PPFIA2: variants seen among roughly 807,000 people sequenced by gnomAD.
PPFIA2 encodes liprin-alpha-2.
A neutral mutation model predicts 175.5 loss-of-function variants in PPFIA2; 46 were observed. The ratio of observed to expected loss-of-function variants is 0.26; its 90% confidence interval spans 0.21 to 0.34. PPFIA2 has a LOEUF of 0.34. Ranked by LOEUF, PPFIA2 falls within the 10% of genes least tolerant of loss-of-function variation. The probability of loss-of-function intolerance (pLI) is 1.00; values close to 1 mark genes in which losing one functional copy is unlikely to be tolerated. For missense variants in PPFIA2, 1,179 were observed against 1,506.1 expected (o/e 0.78, Z 3.60); for synonymous variants, 568 against 511.4 (o/e 1.11, Z -1.49).
chr12:81,711,249 T>C (rs1275526640), intron 3 of PPFIA2, among the ~76,000 whole-genome samples: 1 of 151,068 alleles, frequency 6.6e-6, no homozygotes, highest in Non-Finnish European at 1.5e-5. Flanking sequence ...ATAAAAAGAA[T>C]ATGAAATATT....
chr12:81,405,843 A>T lies in PPFIA2; in HGVS notation c.706T>A (p.Ser236Thr), dbSNP rs1282141271. The change falls in exon 8 of 33, where the codon TCC becomes ACC. Residue 236 changes from serine (S) to threonine (T), a missense_variant. By Grantham distance (58) the Ser-to-Thr change is moderately conservative. Coordinates refer to ENST00000549396, the MANE Select transcript of PPFIA2 (RefSeq NM_003625.5). ...IQRKMASSEG[S>T]TESEHLEGME... The stretch of plus-strand genomic sequence containing the variant: ...CCTTCAAGATGTTCTGACTCTGTGG[A>T]TCCCTCGCTTGATGCCATTTTTCTT... 4 of 1,582,636 alleles carry T rather than the reference A, an allele frequency of 2.5e-6. No homozygotes were observed. Among genetic ancestry groups the T allele is most frequent in the Non-Finnish European group, 2.6e-6 (3 of 1,162,398 alleles).
chr12:81,401,085 C>T lies in PPFIA2; in HGVS notation c.762+4702G>A, dbSNP rs114510084. Among the ~76,000 whole-genome samples the T allele has an allele frequency of 9.1e-3, 1,378 of 152,194 alleles. 25 individuals carry two copies. Among genetic ancestry groups the T allele is most frequent in the African/African-American group, 0.031 (1,288 of 41,520 alleles). ...CTTCTTTAATGTCTTCACCACTCACCTTGTACGGGTCCCTTGATCATATCT... is the reference window on the plus strand; with the variant it reads ...CTTCTTTAATGTCTTCACCACTCACTTTGTACGGGTCCCTTGATCATATCT... On this transcript the variant is annotated intron_variant, in intron 8 of 32. Coordinates refer to ENST00000549396, the MANE Select transcript of PPFIA2 (RefSeq NM_003625.5).
intron 4 of PPFIA2, among the ~76,000 whole-genome samples, chr12:81,577,759 G>A (rs552769159): frequency 6.5e-4 from 98 of 151,918 alleles, no homozygotes; most frequent in African/African-American, 1.3e-3. Context: ...AACATAATTG[G>A]TTACTGTGAA....
At chr12:81,522,462 C>A (rs1250223894) in intron 4 of PPFIA2, among the ~76,000 whole-genome samples, 2 of 152,022 alleles carry the variant, frequency 1.3e-5, no homozygotes, top group Non-Finnish European at 2.9e-5. Context: ...TTATACAGAG[C>A]GATTTAAATA....
chr12:81,358,279 C>A (rs1470746213), intron 15 of PPFIA2, 62 bp from the exon 16 acceptor site: 15 of 1,453,762 alleles, frequency 1.0e-5, no homozygotes, highest in Non-Finnish European at 1.3e-5. Context: ...CAGGAAATTA[C>A]TATCTGCTGT....
At chr12:81,528,219 G>C (rs1340907493) in intron 4 of PPFIA2, among the ~76,000 whole-genome samples, 1 of 152,044 alleles carries the variant, frequency 6.6e-6, no homozygotes, top group African/African-American at 2.4e-5. Flanking sequence ...ACAATAGACA[G>C]AGGATCTGAG....
chr12:81,558,343 A>G (rs574862149), intron 4 of PPFIA2, among the ~76,000 whole-genome samples: 1 of 152,310 alleles, frequency 6.6e-6, no homozygotes, highest in South Asian at 2.1e-4. Context: ...GAATGAATGG[A>G]AGATTGATCA....
chr12:81,343,542 T>A (rs1360694978), intron 19 of PPFIA2, among the ~76,000 whole-genome samples: 2 of 151,960 alleles, frequency 1.3e-5, no homozygotes, highest in Non-Finnish European at 2.9e-5. Flanking sequence ...AAAAAGGACA[T>A]AAAAGTTATC....
chr12:81,304,696 A>G (rs2048716039), intron 22 of PPFIA2, among the ~76,000 whole-genome samples: 1 of 152,072 alleles, frequency 6.6e-6, no homozygotes, highest in Non-Finnish European at 1.5e-5. Flanking sequence ...AAAGCCAAGA[A>G]GGGCCAGTGT....
At chr12:81,426,649 T>C (rs1233650058) in intron 7 of PPFIA2, among the ~76,000 whole-genome samples, 1 of 151,870 alleles carries the variant, frequency 6.6e-6, no homozygotes, top group Non-Finnish European at 1.5e-5. Context: ...TTAATGTATA[T>C]CTTTTTCATC....
chr12:81,389,963 C>G (rs1277834999), intron 8 of PPFIA2, among the ~76,000 whole-genome samples: 1 of 152,066 alleles, frequency 6.6e-6, no homozygotes, highest in Non-Finnish European at 1.5e-5. Flanking sequence ...CCCCCAGCCC[C>G]AGACAACCAC....
chr12:81,261,985 A>G lies in PPFIA2; in HGVS notation c.3771T>C (p.Cys1257=), dbSNP rs975118893. Residue 1257 remains cysteine (C), a synonymous_variant, in exon 32 of 33, where the codon TGT becomes TGC. Transcript: ENST00000549396. ...GCTGCCTCCTTTGAGTGGCTGGTCA[A>G]CATGAGTATGTGCGAACAGTGGAGT... ...LDNSTVRTYS[C] The G allele has an allele frequency of 6.9e-6, 11 of 1,604,920 alleles. No homozygotes were observed. The highest frequency in any genetic ancestry group is 9.4e-6 in the Non-Finnish European group (11 of 1,175,946).
intron 4 of PPFIA2, among the ~76,000 whole-genome samples, chr12:81,470,264 T>G (rs766907711): frequency 6.6e-6 from 1 of 152,166 alleles, no homozygotes; most frequent in Non-Finnish European, 1.5e-5. Context: ...ACCAAATTTA[T>G]ACATGAACAG....
intron 28 of PPFIA2, among the ~76,000 whole-genome samples, chr12:81,268,414 A>C (rs962538015): frequency 2.0e-5 from 3 of 152,034 alleles, no homozygotes; most frequent in African/African-American, 4.8e-5. Flanking sequence ...CTGGGATTAC[A>C]GGCGTGAGCC....
Position 81,589,236 on chromosome 12 carries a change from C to T in PPFIA2, c.303+87555G>A, listed in dbSNP as rs190503252. On this transcript the variant is annotated intron_variant, in intron 4 of 32. Transcript: ENST00000549396. ...GCTAACTTGTATTAGGTAGAGACTTCTGCAAATGGAAGAGTTATAACTTCC... is the reference window on the plus strand; with the variant it reads ...GCTAACTTGTATTAGGTAGAGACTTTTGCAAATGGAAGAGTTATAACTTCC... Among the ~76,000 whole-genome samples the T allele has an allele frequency of 7.2e-5, 11 of 152,082 alleles. No individual in the cohort carries two copies. The South Asian group carries it at 1.0e-3, about 14-fold the overall frequency.
At chr12:81,704,731 G>A (rs368910047) in intron 3 of PPFIA2, among the ~76,000 whole-genome samples, 1 of 151,938 alleles carries the variant, frequency 6.6e-6, no homozygotes, top group Admixed American at 6.6e-5. Flanking sequence ...ATATTAAAAA[G>A]CCAAGGGACA....
chr12:81,485,215 T>C (rs2058682522), intron 4 of PPFIA2, among the ~76,000 whole-genome samples: 1 of 151,870 alleles, frequency 6.6e-6, no homozygotes, highest in Non-Finnish European at 1.5e-5. Context: ...CCCAATGCAT[T>C]ATCTAGTCAA....
At chr12:81,317,777 T>C (rs909911195) in intron 22 of PPFIA2, among the ~76,000 whole-genome samples, 11 of 151,822 alleles carry the variant, frequency 7.2e-5, no homozygotes, top group African/African-American at 2.6e-4. Context: ...AGCATCTATA[T>C]GTTAAAAATT....
At chr12:81,703,862 ATTGT>A (rs1310994548) in intron 3 of PPFIA2, among the ~76,000 whole-genome samples, 3 of 152,088 alleles carry the variant, frequency 2.0e-5, no homozygotes, top group Non-Finnish European at 2.9e-5. Context: ...TCGTAAGGCA[ATTGT>A]TTATTAATCC....
Sources: allele counts gnomAD v4.1 joint callset (sites outside exome capture counted in the v4.1 genomes callset), GRCh38; gene constraint gnomAD v4.1.1; transcripts MANE v1.5; gene names NCBI Gene and HGNC (gene_info 2026-07-23, HGNC 2026-07-21).